Variants in DYNC2H1 observed in about 807,000 individuals in gnomAD.
The protein encoded by DYNC2H1 is dynein cytoplasmic 2 heavy chain 1, also known as cytoplasmic dynein 2 heavy chain 1.
In DYNC2H1, 410 loss-of-function variants were observed where a neutral mutation model predicts 570.0. That is an observed-to-expected ratio of 0.72 (90% confidence interval 0.66 to 0.78). The LOEUF is 0.78. Among genes scored for constraint, DYNC2H1 ranks in the 30% least tolerant of loss-of-function variants. The pLI is 0.00. For synonymous variants in DYNC2H1, 1,688 were observed against 1,677.6 expected (o/e 1.01, Z -0.15); for missense variants, 4,865 against 5,046.4 (o/e 0.96, Z 1.09).
Position 103,199,416 on chromosome 11 carries a change from G to T in DYNC2H1, c.8028G>T (p.Leu2676=). 6.2e-7 allele frequency: 1 copy of T among 1,611,964 alleles called. No homozygotes were observed. Among genetic ancestry groups the T allele is most frequent in the Non-Finnish European group, 8.5e-7 (1 of 1,179,022 alleles). ...SLVSHMHGAV[L]FSPKISRGYE... is the part of the protein sequence containing the mutation. The stretch of plus-strand genomic sequence containing the variant: ...TCAGTCACATGCATGGAGCGGTCCT[G>T]TTTTCTCCAAAGATTTCCAGAGGAT... Residue 2676 remains leucine, a synonymous_variant, in exon 49 of 89, where the codon CTG becomes CTT. Transcript: ENST00000375735. The surrounding 1 kb of genome is among the most constrained non-coding windows in gnomAD (Gnocchi z 4.6).
At position 103,177,741 on chromosome 11, in the gene DYNC2H1, C is replaced by G; in HGVS notation, c.6060C>G (p.Gly2020=). ...PKAMPRYQLL[G]HIDMDTREWS... ...CTATGCCTCGATATCAATTATTAGGCCATATTGACATGGACACAAGAGAAT... is the reference window on the plus strand; with the variant it reads ...CTATGCCTCGATATCAATTATTAGGGCATATTGACATGGACACAAGAGAAT... Residue 2020 remains glycine, a synonymous_variant, in exon 38 of 89, where the codon GGC becomes GGG. Coordinates refer to ENST00000375735, the MANE Select transcript of DYNC2H1 (RefSeq NM_001377.3). This position sits in a 1 kb window ranked among gnomAD's most constrained non-coding sequence, Gnocchi z 4.4. 6.2e-7 allele frequency: 1 copy of G among 1,613,212 alleles called. No individual in the cohort carries two copies. The highest frequency in any genetic ancestry group is 8.5e-7 in the Non-Finnish European group (1 of 1,179,584).
At chr11:103,404,180 G>T (rs528054036) in intron 84 of DYNC2H1, 2 of 151,844 alleles carry the variant, frequency 1.3e-5, no homozygotes, top group South Asian at 4.2e-4. Context: ...AGACATACAG[G>T]GTTTAACCTA....
In DYNC2H1 at chr11:103,177,883, C is replaced by T; in HGVS notation, c.6139+63C>T. 2 of 1,507,444 alleles carry T rather than the reference C, an allele frequency of 1.3e-6. No individual in the cohort carries two copies. Among genetic ancestry groups the T allele is most frequent in the Non-Finnish European group, 1.8e-6 (2 of 1,128,582 alleles). The allele number at this position is 1,507,444 out of a possible 1,614,324, so 93.4% of individuals were successfully genotyped here. A position where few individuals can be genotyped will look rare whatever the true frequency, so the allele number is the denominator to read the frequency against. On this transcript the variant is annotated intron_variant, in intron 38 of 88. Transcript: ENST00000375735. This position sits in a 1 kb window ranked among gnomAD's most constrained non-coding sequence, Gnocchi z 4.4. ...ATTCTTAGATAATGATATAATTTGT[C>T]TATAATGCTGTCTTTGTCAAGACTT...
Position 103,185,107 on chromosome 11 carries a change from T to C in DYNC2H1, c.6633+56T>C. On this transcript the variant is annotated intron_variant, in intron 41 of 88. Coordinates refer to ENST00000375735, the MANE Select transcript of DYNC2H1 (RefSeq NM_001377.3). The surrounding 1 kb of genome is among the most constrained non-coding windows in gnomAD (Gnocchi z 4.5). The stretch of plus-strand genomic sequence containing the variant: ...AAAACTTTAACTTTTCATTAACTCT[T>C]AACTGCCAAAACACAATGATTTGTA... 6.6e-7 allele frequency: 1 copy of C among 1,507,610 alleles called. No homozygotes were observed. 93.4% of individuals were successfully genotyped at this position (1,507,610 alleles called of 1,614,324 possible). A position where few individuals can be genotyped will look rare whatever the true frequency, so the allele number is the denominator to read the frequency against.
chr11:103,154,639 T>G (rs1318712897), intron 23 of DYNC2H1, 33 bp downstream of exon 23: 1 of 1,575,962 alleles, frequency 6.3e-7, no homozygotes, highest in Non-Finnish European at 8.6e-7. Flanking sequence ...AGACTAATAA[T>G]TTGGTTGTTT....
chr11:103,180,009 A>G (rs980172366), intron 39 of DYNC2H1, among the ~76,000 whole-genome samples: 1 of 151,662 alleles, frequency 6.6e-6, no homozygotes, highest in Non-Finnish European at 1.5e-5. Context: ...AGTTGATTCA[A>G]ATCATGTTTT....
Position 103,358,252 on chromosome 11 carries a change from C to T in DYNC2H1, c.12049C>T (p.Gln4017Ter). ...TTATTTTTTTATTCAGGTTATTTCA[C>T]AGTTGAGGATTTTGGGCAGATCCAT... Reference protein sequence around the residue: ...QRMISSQVISQLRILGRSITA... With the variant: ...QRMISSQVIS Residue 4017 changes from glutamine to a stop codon, truncating the protein, a stop_gained, in exon 83 of 89, where the codon CAG becomes TAG. Coordinates refer to ENST00000375735, the MANE Select transcript of DYNC2H1 (RefSeq NM_001377.3). LOFTEE classifies it high-confidence loss of function. 1 of 1,564,784 alleles carries T rather than the reference C, an allele frequency of 6.4e-7. No individual in the cohort carries two copies. Among genetic ancestry groups the T allele is most frequent in the Non-Finnish European group, 8.7e-7 (1 of 1,151,400 alleles).
In DYNC2H1 at chr11:103,363,175, T is replaced by C. The variant is rs945853109; in HGVS notation, c.12156+4816T>C. 3.9e-5 allele frequency among the ~76,000 whole-genome samples: 6 copies of C among 152,172 alleles called. No homozygotes were observed. The highest frequency in any genetic ancestry group is 1.2e-4 in the African/African-American group (5 of 41,448). ...GTAATACTACAGTTCCAAGAAACTT[T>C]TCCAACCTGTTTTTCTTAACACATC... On this transcript the variant is annotated intron_variant, in intron 83 of 88. Coordinates refer to ENST00000375735, the MANE Select transcript of DYNC2H1 (RefSeq NM_001377.3). This position sits in a 1 kb window ranked among gnomAD's most constrained non-coding sequence, Gnocchi z 5.6.
chr11:103,304,861 T>G, intron 77 of DYNC2H1, 141 bp downstream of exon 77: 2 of 982,366 alleles, frequency 2.0e-6, no homozygotes, highest in Non-Finnish European at 2.7e-6. Context: ...AAATATTTCA[T>G]AAATATGTAC....
chr11:103,386,450 CCACA>C (rs111771901), intron 83 of DYNC2H1, among the ~76,000 whole-genome samples: 3 of 150,818 alleles, frequency 2.0e-5, no homozygotes, highest in South Asian at 2.1e-4. Context: ...TTAAAACACA[CCACA>C]CACACACACA....
chr11:103,247,105 C>A (rs1236051785), intron 65 of DYNC2H1, among the ~76,000 whole-genome samples: 1 of 151,732 alleles, frequency 6.6e-6, no homozygotes, highest in Non-Finnish European at 1.5e-5. Flanking sequence ...ATTGGACCAG[C>A]TAACTGTATA....
intron 5 of DYNC2H1, 56 bp from the exon 6 acceptor site, chr11:103,117,575 T>G: frequency 7.5e-7 from 1 of 1,327,606 alleles, no homozygotes; most frequent in Non-Finnish European, 1.0e-6. Flanking sequence ...TATTTTATAA[T>G]TTTTCTATAA....
intron 70 of DYNC2H1, among the ~76,000 whole-genome samples, chr11:103,276,976 C>A (rs1865934147): frequency 6.6e-6 from 1 of 152,094 alleles, no homozygotes; most frequent in African/African-American, 2.4e-5. Context: ...TTTTAAATCT[C>A]TGAACCTTAT....
intron 84 of DYNC2H1, among the ~76,000 whole-genome samples, chr11:103,419,617 C>T (rs752742249): frequency 1.1e-4 from 17 of 150,292 alleles, no homozygotes; most frequent in Non-Finnish European, 2.4e-4. Flanking sequence ...AAAGACCCTA[C>T]AAAAACCCCA....
At chr11:103,368,289 G>A (rs918717863) in intron 83 of DYNC2H1, among the ~76,000 whole-genome samples, 2 of 151,950 alleles carry the variant, frequency 1.3e-5, no homozygotes, top group Non-Finnish European at 2.9e-5. Flanking sequence ...CTTGATAATA[G>A]CTTTTCTAAC....
At chr11:103,392,340 C>T (rs774712832) in intron 83 of DYNC2H1, among the ~76,000 whole-genome samples, 7 of 152,188 alleles carry the variant, frequency 4.6e-5, no homozygotes, top group South Asian at 2.1e-4. Flanking sequence ...TTGCTAAGAC[C>T]GTTGGAAAAG....
chr11:103,319,533 T>G lies in DYNC2H1; in HGVS notation c.11726-1496T>G, dbSNP rs1333365154. Among the ~76,000 whole-genome samples the G allele has an allele frequency of 6.6e-6, 1 of 152,166 alleles. No homozygotes were observed. Among genetic ancestry groups the G allele is most frequent in the Non-Finnish European group, 1.5e-5 (1 of 67,988 alleles). On this transcript the variant is annotated intron_variant, in intron 80 of 88. Coordinates refer to ENST00000375735, the MANE Select transcript of DYNC2H1 (RefSeq NM_001377.3). The surrounding 1 kb of genome is among the most constrained non-coding windows in gnomAD (Gnocchi z 4.3). ...AAAAGCTACATGAAGCATTTAACAT[T>G]TAGTACATTTAATATGTGGAGTTAA...
intron 78 of DYNC2H1, among the ~76,000 whole-genome samples, chr11:103,308,956 C>G (rs1045192202): frequency 1.3e-5 from 2 of 151,878 alleles, no homozygotes; most frequent in Admixed American, 1.3e-4. Flanking sequence ...TTGCTTTTCA[C>G]TCTGTTGATT....
chr11:103,423,523 G>A (rs1405332030), intron 84 of DYNC2H1, among the ~76,000 whole-genome samples: 1 of 150,138 alleles, frequency 6.7e-6, no homozygotes, highest in East Asian at 2.0e-4. Flanking sequence ...AAATTTTTTA[G>A]TGACTTTGTG....
Sources: allele counts gnomAD v4.1 joint callset (sites outside exome capture counted in the v4.1 genomes callset), GRCh38; gene constraint gnomAD v4.1.1; non-coding constraint Gnocchi (gnomAD v3.1); transcripts MANE v1.5; gene names NCBI Gene and HGNC (gene_info 2026-07-23, HGNC 2026-07-21).